The following ITGA2 variants were observed in gnomAD, a reference collection of about 807,000 sequenced individuals.
ITGA2 encodes the protein integrin alpha-2.
ITGA2 carries 101 observed loss-of-function variants against 146.3 expected under a neutral mutation model. That is an observed-to-expected ratio of 0.69 (90% confidence interval 0.59 to 0.81). The LOEUF (loss-of-function observed/expected upper bound fraction) is 0.81, where lower values mean the gene tolerates loss of function less well. Among genes scored for constraint, ITGA2 ranks in the 40% least tolerant of loss-of-function variants. ITGA2 has a pLI of 0.00. For synonymous variants in ITGA2, 477 were observed against 487.1 expected (o/e 0.98, Z 0.27); for missense variants, 1,281 against 1,402.7 (o/e 0.91, Z 1.39).
At chr5:53,040,427 T>C (rs1561113201) in intron 2 of ITGA2, among the ~76,000 whole-genome samples, 1 of 152,192 alleles carries the variant, frequency 6.6e-6, no homozygotes, top group Non-Finnish European at 1.5e-5. Context: ...TGAGCTATCA[T>C]GAATTTGAAA....
rs1743827713 is a variant in ITGA2, at chr5:53,042,100, A to T, written c.186-12A>T. 1 of 1,523,464 alleles carries T rather than the reference A, an allele frequency of 6.6e-7. No individual in the cohort carries two copies. Among genetic ancestry groups the T allele is most frequent in the East Asian group, 2.3e-5 (1 of 44,422 alleles). 94.4% of individuals were successfully genotyped at this position (1,523,464 alleles called of 1,614,324 possible). On this transcript the variant is annotated splice_polypyrimidine_tract_variant and intron_variant, in intron 2 of 29. Coordinates refer to ENST00000296585, the MANE Select transcript of ITGA2 (RefSeq NM_002203.4). ...TAACACTTTGTGTCTAATAAAAAAA[A>T]TGTGTTTCTAGGTTACTGGTTGGTT...
chr5:53,006,469 G>A (rs1192936782), intron 1 of ITGA2, among the ~76,000 whole-genome samples: 1 of 152,146 alleles, frequency 6.6e-6, no homozygotes, highest in Non-Finnish European at 1.5e-5. Flanking sequence ...ATTCATTGAT[G>A]TATATACCTG....
At chr5:53,056,985 A>G (rs1391509542) in intron 9 of ITGA2, among the ~76,000 whole-genome samples, 1 of 151,928 alleles carries the variant, frequency 6.6e-6, no homozygotes, top group Non-Finnish European at 1.5e-5. Context: ...ATATACTCAA[A>G]TCTTGATTTG....
intron 10 of ITGA2, among the ~76,000 whole-genome samples, chr5:53,058,955 A>G (rs191473355): frequency 2.0e-4 from 30 of 152,090 alleles, no homozygotes; most frequent in African/African-American, 6.3e-4. Flanking sequence ...CCCCAAATCC[A>G]GAGTCCCTCA....
intron 2 of ITGA2, among the ~76,000 whole-genome samples, chr5:53,038,527 A>G (rs1399894145): frequency 1.3e-5 from 2 of 152,030 alleles, no homozygotes; most frequent in Admixed American, 1.3e-4. Flanking sequence ...ACACAGCCAC[A>G]CACCCCTTCA....
chr5:53,055,991 G>C lies in ITGA2; in HGVS notation c.938G>C (p.Gly313Ala). The C allele has an allele frequency of 6.2e-7, 1 of 1,608,720 alleles. No homozygotes were observed. The highest frequency in any genetic ancestry group is 8.5e-7 in the Non-Finnish European group (1 of 1,177,642). The change falls in exon 9 of 30, where the codon GGG becomes GCG. Residue 313 changes from glycine to alanine, a missense_variant. By Grantham distance (60) the Gly-to-Ala change is moderately conservative (BLOSUM62 0). Coordinates refer to ENST00000296585, the MANE Select transcript of ITGA2 (RefSeq NM_002203.4). ...TCTTCCTCTATTTTCAAGGTTCTTG[G>C]GTACTTAAACAGAAACGCCCTTGAT... ...NILRFGIAVL[G>A]YLNRNALDTK...
At chr5:53,019,347 T>A (rs1742555761) in intron 1 of ITGA2, among the ~76,000 whole-genome samples, 1 of 152,094 alleles carries the variant, frequency 6.6e-6, no homozygotes, top group Non-Finnish European at 1.5e-5. Flanking sequence ...AAATAAGTCA[T>A]AAGTTTAAAA....
At chr5:53,032,918 G>A (rs1354235287) in intron 2 of ITGA2, among the ~76,000 whole-genome samples, 1 of 152,150 alleles carries the variant, frequency 6.6e-6, no homozygotes, top group East Asian at 1.9e-4. Context: ...GGAGCAGAAA[G>A]TATGCCATCC....
At chr5:53,060,810 A>G (rs2111961816) in intron 11 of ITGA2, 91 bp from the exon 12 acceptor site, 7 of 1,251,642 alleles carry the variant, frequency 5.6e-6, no homozygotes, top group Non-Finnish European at 8.2e-6. Flanking sequence ...ATCTAACACA[A>G]AAGGATCTCT....
chr5:53,013,495 G>T (rs1239270131), intron 1 of ITGA2, among the ~76,000 whole-genome samples: 1 of 151,394 alleles, frequency 6.6e-6, no homozygotes, highest in East Asian at 1.9e-4. Context: ...GTACCATGTT[G>T]TTTTCATTAC....
rs772173102 is a variant in ITGA2, at chr5:53,062,894, GAGGA to G, written c.1574_1577del (p.Gly525GlufsTer47). 5.6e-6 allele frequency: 9 copies of G among 1,609,502 alleles called. No individual in the cohort carries two copies. In the East Asian group the frequency reaches 1.6e-4, roughly 28 times the overall value. On this transcript the variant is annotated frameshift_variant, in exon 13 of 30. Transcript: ENST00000296585. LOFTEE classifies it high-confidence loss of function. Reference sequence around the variant, plus strand: ...AATGTACATGAGTGACCTAAAGAAAGAGGAAGGAAGAGTCTACCTGTTTACTATC... The same window carrying G: ...AATGTACATGAGTGACCTAAAGAAAGAGGAAGAGTCTACCTGTTTACTATC...
chr5:53,065,731 C>T (rs1745116105), intron 14 of ITGA2, 110 bp from the exon 15 acceptor site: 1 of 1,384,006 alleles, frequency 7.2e-7, no homozygotes. Flanking sequence ...AGAGAATAAA[C>T]ACAATCTGGG....
At chr5:53,066,927 C>T (rs1159047926) in intron 15 of ITGA2, among the ~76,000 whole-genome samples, 191 bp from the exon 16 acceptor site, 1 of 151,508 alleles carries the variant, frequency 6.6e-6, no homozygotes, top group Non-Finnish European at 1.5e-5. Flanking sequence ...GTGATGCAGT[C>T]ACAAATTAAA....
intron 1 of ITGA2, among the ~76,000 whole-genome samples, chr5:53,005,101 T>G (rs1251768550): frequency 1.3e-5 from 2 of 151,846 alleles, no homozygotes; most frequent in African/African-American, 4.8e-5. Context: ...GAGATACACT[T>G]TAGAGTTTGA....
At chr5:52,995,015 T>C (rs1488816498) in intron 1 of ITGA2, among the ~76,000 whole-genome samples, 6 of 152,220 alleles carry the variant, frequency 3.9e-5, no homozygotes, top group Non-Finnish European at 7.3e-5. Context: ...TAAGTGATAC[T>C]AGAAAAGCAA....
At chr5:53,080,355 G>C (rs1192767517) in intron 24 of ITGA2, among the ~76,000 whole-genome samples, 156 bp from the exon 25 acceptor site, 2 of 152,130 alleles carry the variant, frequency 1.3e-5, no homozygotes, top group African/African-American at 4.8e-5. Flanking sequence ...GTGAGACACA[G>C]AGACCTGAAG....
chr5:53,022,278 A>C (rs1248177146), intron 1 of ITGA2, among the ~76,000 whole-genome samples: 1 of 151,620 alleles, frequency 6.6e-6, no homozygotes, highest in Non-Finnish European at 1.5e-5. Context: ...ATCACAGTTC[A>C]CTGCAGCCTT....
At chr5:53,074,970 T>A in intron 21 of ITGA2, 91 bp from the exon 22 acceptor site, 6 of 827,538 alleles carry the variant, frequency 7.3e-6, no homozygotes, top group Non-Finnish European at 1.2e-5. Flanking sequence ...CAAATTTGAG[T>A]GAGTTTACTT....
intron 29 of ITGA2, 142 bp from the exon 30 acceptor site, chr5:53,090,377 C>T (rs1740352544): frequency 2.7e-6 from 2 of 737,450 alleles, no homozygotes; most frequent in Non-Finnish European, 5.0e-6. Context: ...TGGTAGATAT[C>T]AGGTCATCAG....
Sources: allele counts gnomAD v4.1 joint callset (sites outside exome capture counted in the v4.1 genomes callset), GRCh38; gene constraint gnomAD v4.1.1; transcripts MANE v1.5; gene names NCBI Gene and HGNC (gene_info 2026-07-23, HGNC 2026-07-21).